SCG3: variants seen among roughly 807,000 people sequenced by gnomAD.
The protein encoded by SCG3 is secretogranin III, also known as secretogranin-3.
SCG3 carries 38 observed loss-of-function variants against 56.2 expected under a neutral mutation model. The ratio of observed to expected loss-of-function variants is 0.68; its 90% confidence interval spans 0.52 to 0.89. The LOEUF is 0.89. Among genes scored for constraint, SCG3 ranks in the 40% least tolerant of loss-of-function variants. The pLI, the probability that SCG3 is intolerant of heterozygous loss-of-function variation, is 0.00. For synonymous variants in SCG3, 176 were observed against 184.2 expected, an observed-to-expected ratio of 0.96 and a Z score of 0.36; for missense variants, 524 against 540.7, an observed-to-expected ratio of 0.97 and a Z score of 0.31.
chr15:51,704,487 C>G (rs1330759423), intron 10 of SCG3, among the ~76,000 whole-genome samples: 1 of 149,926 alleles, frequency 6.7e-6, no homozygotes, highest in South Asian at 2.1e-4. Context: ...GCTGTCCCCA[C>G]TCCACGGCAA....
chr15:51,696,120 C>T (rs1240176889), intron 8 of SCG3, 129 bp downstream of exon 8: 11 of 707,302 alleles, frequency 1.6e-5, no homozygotes, highest in Non-Finnish European at 2.8e-5. Flanking sequence ...CAAGAATCGA[C>T]CAGTTTGATA....
At position 51,705,749 on chromosome 15, in the gene SCG3, C is replaced by T. The variant is rs549394988; in HGVS notation, c.1207+4505C>T. Among the ~76,000 whole-genome samples the T allele has an allele frequency of 4.6e-5, 7 of 152,144 alleles. No homozygotes were observed. In the East Asian group the frequency reaches 5.8e-4, roughly 13 times the overall value. On this transcript the variant is annotated intron_variant, in intron 10 of 11. Coordinates refer to ENST00000220478, the MANE Select transcript of SCG3 (RefSeq NM_013243.4). Reference sequence around the variant, plus strand: ...GTTGGCCAGGCTGGTCTCAAACTCCCGACATCAGGTGATCCACCCAATCCA... The same window carrying T: ...GTTGGCCAGGCTGGTCTCAAACTCCTGACATCAGGTGATCCACCCAATCCA...
At chr15:51,694,344 G>A (rs979932229) in intron 7 of SCG3, among the ~76,000 whole-genome samples, 6 of 152,114 alleles carry the variant, frequency 3.9e-5, no homozygotes, top group Non-Finnish European at 7.4e-5. Context: ...CTAGATCTTG[G>A]AACAGCCAGT....
chr15:51,687,230 A>G (rs1343482310), intron 4 of SCG3, among the ~76,000 whole-genome samples: 22 of 152,224 alleles, frequency 1.4e-4, no homozygotes, highest in Admixed American at 1.4e-3. Flanking sequence ...TGGCACAACA[A>G]TCCCATGAAA....
intron 11 of SCG3, among the ~76,000 whole-genome samples, chr15:51,718,160 T>C (rs915965245): frequency 1.3e-5 from 2 of 150,110 alleles, no homozygotes; most frequent in Non-Finnish European, 3.0e-5. Flanking sequence ...AAAACCTATA[T>C]AGATAGTTAG....
intron 6 of SCG3, among the ~76,000 whole-genome samples, chr15:51,689,614 A>T (rs1380502764): frequency 1.3e-5 from 2 of 151,706 alleles, no homozygotes; most frequent in African/African-American, 4.8e-5. Flanking sequence ...ACATAATGAG[A>T]CCCCCATCTC....
intron 6 of SCG3, among the ~76,000 whole-genome samples, chr15:51,691,386 G>T (rs957589399): frequency 1.3e-5 from 2 of 152,172 alleles, no homozygotes; most frequent in African/African-American, 4.8e-5. Flanking sequence ...GATAACTCTG[G>T]CTATAATGTG....
chr15:51,709,680 TA>T, intron 10 of SCG3, among the ~76,000 whole-genome samples: 1 of 12,772 alleles, frequency 7.8e-5, no homozygotes, highest in African/African-American at 2.4e-4. Flanking sequence ...TATATATATA[TA>T]TATATATATA....
intron 10 of SCG3, among the ~76,000 whole-genome samples, chr15:51,707,479 T>C (rs1400614474): frequency 6.6e-6 from 1 of 152,218 alleles, no homozygotes; most frequent in Non-Finnish European, 1.5e-5. Flanking sequence ...AAGACCCAAG[T>C]AGGCTTGGGA....
intron 6 of SCG3, 35 bp downstream of exon 6, chr15:51,689,403 G>A: frequency 3.7e-6 from 4 of 1,083,440 alleles, no homozygotes; most frequent in South Asian, 4.1e-5. Context: ...GCATGGGGGT[G>A]TGTGTGTGTG....
At chr15:51,701,861 G>A (rs2080172390) in intron 10 of SCG3, among the ~76,000 whole-genome samples, 1 of 152,058 alleles carries the variant, frequency 6.6e-6, no homozygotes, top group African/African-American at 2.4e-5. Context: ...CTATACTCCA[G>A]CCTAGGTGAC....
chr15:51,682,824 C>T (rs1045613421), intron 2 of SCG3, among the ~76,000 whole-genome samples: 4 of 152,192 alleles, frequency 2.6e-5, no homozygotes, highest in African/African-American at 9.6e-5. Context: ...CACATCCACT[C>T]TGTTGTAAGA....
At chr15:51,693,449 A>T (rs1188817064) in intron 7 of SCG3, 1 of 152,050 alleles carries the variant, frequency 6.6e-6, no homozygotes, top group Non-Finnish European at 1.5e-5. Flanking sequence ...TTGTTTTTTT[A>T]AAGCTAAGTA....
At chr15:51,695,740 C>G in intron 7 of SCG3, 135 bp from the exon 8 acceptor site, 1 of 603,548 alleles carries the variant, frequency 1.7e-6, no homozygotes, top group East Asian at 2.8e-5. Flanking sequence ...CAGCCTGGGC[C>G]ACACAGTGAG....
chr15:51,686,919 C>CTATT (rs764642223), intron 4 of SCG3, among the ~76,000 whole-genome samples: 1 of 152,130 alleles, frequency 6.6e-6, no homozygotes, highest in Non-Finnish European at 1.5e-5. Context: ...GCATATACCT[C>CTATT]TATTTTCATA....
intron 10 of SCG3, among the ~76,000 whole-genome samples, chr15:51,707,447 G>A (rs1489639651): frequency 1.3e-5 from 2 of 152,172 alleles, no homozygotes; most frequent in East Asian, 3.9e-4. Context: ...ATTCTCCCCT[G>A]GGAGTCAGCA....
intron 10 of SCG3, among the ~76,000 whole-genome samples, chr15:51,704,778 T>TATATATATATATATATATATATATAC (rs2055363861): frequency 7.6e-6 from 1 of 132,230 alleles, no homozygotes; most frequent in African/African-American, 2.7e-5. Flanking sequence ...TATATATATA[T>TATATATATATATATATATATATATAC]ATATATATAT....
intron 4 of SCG3, 100 bp downstream of exon 4, chr15:51,683,534 C>T (rs1567215211): frequency 1.3e-6 from 1 of 746,640 alleles, no homozygotes; most frequent in East Asian, 2.8e-5. Context: ...CATTCATAAT[C>T]CTTTATTAGT....
At position 51,681,657 on chromosome 15, in the gene SCG3, C is replaced by T; in HGVS notation, c.-99C>T. On this transcript the variant is annotated 5_prime_UTR_variant, in exon 1 of 12. Transcript: ENST00000220478. ...CCCTCTCCCGCCCCACACCCACCCT[C>T]CTGGCTCTTCCTGTTTTTACTCCTC... 1.6e-6 allele frequency: 1 copy of T among 638,468 alleles called. No homozygotes were observed. The highest frequency in any genetic ancestry group is 3.5e-5 in the East Asian group (1 of 28,906). The allele number at this position is 638,468 out of a possible 1,614,324, so 39.6% of individuals were successfully genotyped here. A position where few individuals can be genotyped will look rare whatever the true frequency, so the allele number is the denominator to read the frequency against.
Sources: allele counts gnomAD v4.1 joint callset (sites outside exome capture counted in the v4.1 genomes callset), GRCh38; gene constraint gnomAD v4.1.1; transcripts MANE v1.5; gene names NCBI Gene and HGNC (gene_info 2026-07-23, HGNC 2026-07-21).